CLGN: variants seen among roughly 807,000 people sequenced by gnomAD.
The protein encoded by CLGN is testis tissue sperm-binding protein Li 79P.
In CLGN, 62 loss-of-function variants were observed where a neutral mutation model predicts 79.1. The observed-to-expected ratio is 0.78, with a 90% CI of 0.64 to 0.97. CLGN has a LOEUF of 0.97. CLGN is among the 50% of genes least tolerant of loss of function. The pLI is 0.00. For missense variants in CLGN, 647 were observed against 715.5 expected (o/e 0.90, Z 1.09); for synonymous variants, 225 against 224.7 (o/e 1.00, Z -0.01).
At chr4:140,391,383 A>G (rs758731460) in intron 13 of CLGN, among the ~76,000 whole-genome samples, 1 of 151,880 alleles carries the variant, frequency 6.6e-6, no homozygotes, top group South Asian at 2.1e-4. Context: ...AGGCTGATCC[A>G]GACATCAATA....
Position 140,410,643 on chromosome 4 carries a change from C to A in CLGN, c.145-17G>T. 1 of 1,437,744 alleles carries A rather than the reference C, an allele frequency of 7.0e-7. No homozygotes were observed. The highest frequency in any genetic ancestry group is 1.4e-5 in the African/African-American group (1 of 70,880). The allele number at this position is 1,437,744 out of a possible 1,614,324, so 89.1% of individuals were successfully genotyped here. On this transcript the variant is annotated splice_polypyrimidine_tract_variant and intron_variant, in intron 2 of 14. Coordinates refer to ENST00000325617, the MANE Select transcript of CLGN (RefSeq NM_004362.3). ...ATATTTAATCTAGAAAAGAGATTTTCCAAGTCTAAAGTTATTCATTTTCAC... is the reference window on the plus strand; with the variant it reads ...ATATTTAATCTAGAAAAGAGATTTTACAAGTCTAAAGTTATTCATTTTCAC...
chr4:140,400,577 A>G, intron 6 of CLGN, 28 bp from the exon 7 acceptor site: 1 of 1,429,374 alleles, frequency 7.0e-7, no homozygotes, highest in Non-Finnish European at 9.6e-7. Context: ...TGTTGGCATT[A>G]GTCCAGAATC....
In CLGN at chr4:140,389,373, A is replaced by G. The variant is rs1053815601; in HGVS notation, c.1753-69T>C. 62 of 1,078,226 alleles carry G rather than the reference A, an allele frequency of 5.8e-5. 1 individual carries two copies. The highest frequency in any genetic ancestry group is 2.0e-4 in the East Asian group (8 of 39,282). The allele number at this position is 1,078,226 out of a possible 1,614,324, so 66.8% of individuals were successfully genotyped here. A position where few individuals can be genotyped will look rare whatever the true frequency, so the allele number is the denominator to read the frequency against. ...TAACTAGTAGATAGTAGTAAACAAT[A>G]TATTTATTATTCTCTAAAATATATG... is the stretch of plus-strand genomic sequence containing the variant. On this transcript the variant is annotated intron_variant, in intron 14 of 14. Transcript: ENST00000325617.
At chr4:140,396,279 C>T (rs1446007841) in intron 8 of CLGN, 74 bp from the exon 9 acceptor site, 3 of 1,172,134 alleles carry the variant, frequency 2.6e-6, no homozygotes, top group East Asian at 2.3e-5. Flanking sequence ...TAAGAAGGTA[C>T]CATAAAATTA....
chr4:140,421,003 C>G (rs1729459130), intron 1 of CLGN, among the ~76,000 whole-genome samples: 2 of 152,112 alleles, frequency 1.3e-5, no homozygotes, highest in Non-Finnish European at 2.9e-5. Context: ...TAATATCTAT[C>G]TCTATGATTT....
intron 2 of CLGN, among the ~76,000 whole-genome samples, chr4:140,411,526 T>C (rs1376426093): frequency 6.6e-6 from 1 of 152,152 alleles, no homozygotes; most frequent in Non-Finnish European, 1.5e-5. Flanking sequence ...TGATTGTATC[T>C]GTATGATTAG....
intron 5 of CLGN, among the ~76,000 whole-genome samples, chr4:140,402,834 A>G (rs1729024318): frequency 6.6e-6 from 1 of 152,164 alleles, no homozygotes; most frequent in South Asian, 2.1e-4. Context: ...ATCAACAAGG[A>G]AATGGCTGTC....
At chr4:140,395,544 C>G (rs1310387230) in intron 10 of CLGN, among the ~76,000 whole-genome samples, 1 of 152,176 alleles carries the variant, frequency 6.6e-6, no homozygotes, top group Non-Finnish European at 1.5e-5. Context: ...GATCAAAATT[C>G]ACTTCTTATA....
intron 1 of CLGN, among the ~76,000 whole-genome samples, chr4:140,425,177 A>T (rs1049684437): frequency 1.3e-5 from 2 of 152,208 alleles, no homozygotes; most frequent in African/African-American, 4.8e-5. Context: ...TGTGACCATT[A>T]CCTGGTTCCA....
chr4:140,388,762 A>C lies in CLGN; in HGVS notation c.*462T>G, dbSNP rs1442975346. Reference sequence around the variant, plus strand: ...TCATATACAACACTTTCAATTGTTGATAGAATCAAACAACCATACAGAAAC... The same window carrying C: ...TCATATACAACACTTTCAATTGTTGCTAGAATCAAACAACCATACAGAAAC... On this transcript the variant is annotated 3_prime_UTR_variant, in exon 15 of 15. Transcript: ENST00000325617. 1 of 154,036 alleles carries C rather than the reference A, an allele frequency of 6.5e-6. No homozygotes were observed. Among genetic ancestry groups the C allele is most frequent in the Admixed American group, 6.4e-5 (1 of 15,634 alleles). The allele number at this position is 154,036 out of a possible 1,614,324, so 9.5% of individuals were successfully genotyped here.
At chr4:140,423,127 G>C (rs754679288) in intron 1 of CLGN, among the ~76,000 whole-genome samples, 9 of 152,080 alleles carry the variant, frequency 5.9e-5, no homozygotes, top group Non-Finnish European at 1.2e-4. Flanking sequence ...GATCTTAAAG[G>C]AAAAGCTTTC....
At chr4:140,420,398 G>A (rs1279732484) in intron 1 of CLGN, among the ~76,000 whole-genome samples, 5 of 152,042 alleles carry the variant, frequency 3.3e-5, no homozygotes, top group Non-Finnish European at 7.4e-5. Flanking sequence ...TTACATCAAA[G>A]AACTAGCTAA....
At chr4:140,403,264 C>T (rs1358929121) in intron 5 of CLGN, among the ~76,000 whole-genome samples, 1 of 152,144 alleles carries the variant, frequency 6.6e-6, no homozygotes, top group African/African-American at 2.4e-5. Flanking sequence ...CTCTAAGTCT[C>T]TATTTGCTCA....
chr4:140,404,097 T>G (rs1298609761), intron 5 of CLGN, among the ~76,000 whole-genome samples: 1 of 150,884 alleles, frequency 6.6e-6, no homozygotes, highest in East Asian at 1.9e-4. Flanking sequence ...ATTTATTTAT[T>G]TTTTTTTTGA....
chr4:140,410,696 G>A, intron 2 of CLGN, 70 bp from the exon 3 acceptor site: 1 of 971,776 alleles, frequency 1.0e-6, no homozygotes, highest in Non-Finnish European at 1.6e-6. Flanking sequence ...AATCTTCCTA[G>A]TGAAGAACAT....
intron 1 of CLGN, among the ~76,000 whole-genome samples, chr4:140,426,205 TA>T (rs1729564753): frequency 6.6e-6 from 1 of 152,180 alleles, no homozygotes; most frequent in Non-Finnish European, 1.5e-5. Context: ...AGACAAGTGA[TA>T]AAAACTGCTG....
At chr4:140,414,239 A>G (rs1166746486) in intron 1 of CLGN, among the ~76,000 whole-genome samples, 1 of 152,220 alleles carries the variant, frequency 6.6e-6, no homozygotes, top group African/African-American at 2.4e-5. Flanking sequence ...ATAAAACCAC[A>G]AAGATGGGGG....
intron 1 of CLGN, among the ~76,000 whole-genome samples, chr4:140,421,358 T>G (rs1729465654): frequency 6.6e-6 from 1 of 152,172 alleles, no homozygotes; most frequent in Non-Finnish European, 1.5e-5. Flanking sequence ...TTCTATTTTT[T>G]TTTGAATCCT....
intron 5 of CLGN, among the ~76,000 whole-genome samples, chr4:140,405,586 T>A (rs1375038949): frequency 6.6e-6 from 1 of 152,222 alleles, no homozygotes; most frequent in African/African-American, 2.4e-5. Flanking sequence ...TATCACATAA[T>A]TTTTAAATTT....
Sources: allele counts gnomAD v4.1 joint callset (sites outside exome capture counted in the v4.1 genomes callset), GRCh38; gene constraint gnomAD v4.1.1; transcripts MANE v1.5; gene names NCBI Gene and HGNC (gene_info 2026-07-23, HGNC 2026-07-21).